PSAP: variants seen among roughly 807,000 people sequenced by gnomAD.
The protein encoded by PSAP is precursor of saposins.
PSAP carries 25 observed loss-of-function variants against 66.0 expected under a neutral mutation model. That is an observed-to-expected ratio of 0.38 (90% CI 0.28 to 0.53). The LOEUF (loss-of-function observed/expected upper bound fraction) is 0.53, where lower values mean the gene tolerates loss of function less well. Ranked by LOEUF, PSAP falls within the 20% of genes least tolerant of loss-of-function variation. The probability of loss-of-function intolerance (pLI) is 0.83; values close to 1 mark genes in which losing one functional copy is unlikely to be tolerated. For missense variants in PSAP, 649 were observed against 668.8 expected (o/e 0.97, Z 0.33); for synonymous variants, 273 against 258.9 (o/e 1.05, Z -0.52).
Position 71,828,156 on chromosome 10 carries a change from T to C in PSAP, c.578A>G (p.Asp193Gly), listed in dbSNP as rs138636858. The change falls in exon 6 of 14, where the codon GAT (aspartate) becomes GGT (glycine). Residue 193 changes from aspartate to glycine, a missense_variant and splice_region_variant. Transcript: ENST00000394936. ...DGPRSKPQPK[D>G]NGDVCQDCIQ... The stretch of plus-strand genomic sequence containing the variant: ...GCAGTCCTGGCAAACGTCCCCATTA[T>C]CCTACAGAAGAGGCAGTTAGGTTTG... The C allele has an allele frequency of 6.5e-4, 1,054 of 1,614,150 alleles. 3 individuals carry two copies. The highest frequency in any genetic ancestry group is 1.2e-3 in the South Asian group (109 of 91,082).
rs758077180 is a variant in PSAP, at chr10:71,825,904, A to G, written c.721-11T>C. On this transcript the variant is annotated splice_polypyrimidine_tract_variant and intron_variant, in intron 6 of 13. Coordinates refer to ENST00000394936, the MANE Select transcript of PSAP (RefSeq NM_002778.4). ...GATATAGTTCTTGCACTGAGGAGAG[A>G]GAAACAGATTGCTAAACAAATCACT... 13 of 1,611,256 alleles carry G rather than the reference A, an allele frequency of 8.1e-6. No individual in the cohort carries two copies. The highest frequency in any genetic ancestry group is 1.0e-5 in the Non-Finnish European group (12 of 1,177,516).
chr10:71,846,999 C>T (rs369277041), intron 1 of PSAP, among the ~76,000 whole-genome samples: 19 of 152,262 alleles, frequency 1.2e-4, no homozygotes, highest in African/African-American at 4.6e-4. Context: ...CTGTTCCCAG[C>T]CAGCAACACC....
chr10:71,841,744 G>A (rs968298339), intron 1 of PSAP, among the ~76,000 whole-genome samples: 2 of 152,100 alleles, frequency 1.3e-5, no homozygotes, highest in East Asian at 3.9e-4. Flanking sequence ...AGTGGCTCAC[G>A]CCTGTAATTC....
At chr10:71,828,184 A>G (rs1414643760) in intron 5 of PSAP, 27 bp from the exon 6 acceptor site, 3 of 1,613,892 alleles carry the variant, frequency 1.9e-6, no homozygotes, top group Non-Finnish European at 2.5e-6. Context: ...TAGGTTTGCA[A>G]CTTAAGAGGA....
At chr10:71,831,073 T>C in intron 4 of PSAP, 53 bp downstream of exon 4, 3 of 1,610,528 alleles carry the variant, frequency 1.9e-6, no homozygotes, top group Non-Finnish European at 2.5e-6. Context: ...GGCCACTGCC[T>C]CTCCTGGGCC....
rs1306126373 is a variant in PSAP, at chr10:71,828,915, A to G, written c.538T>C (p.Tyr180His). The G allele has an allele frequency of 6.2e-7, 1 of 1,614,050 alleles. No homozygotes were observed. The highest frequency in any genetic ancestry group is 2.2e-5 in the East Asian group (1 of 44,852). The change falls in exon 5 of 14, where the codon TAC (tyrosine) becomes CAC (histidine). Residue 180 changes from tyrosine to histidine, a missense_variant. Transcript: ENST00000394936. ...TTGCTGCGGGGGCCGTCCTGAGGGT[A>G]GAGGAGGAGAGGGATGTTGGCCATG... ...PFMANIPLLL[Y>H]PQDGPRSKPQ... is the part of the protein sequence containing the mutation.
chr10:71,846,723 C>T (rs1417065313), intron 1 of PSAP, among the ~76,000 whole-genome samples: 2 of 102,644 alleles, frequency 1.9e-5, no homozygotes, highest in African/African-American at 8.4e-5. Flanking sequence ...CAGAGTAAGA[C>T]CCTGTCTCAA....
intron 8 of PSAP, 98 bp downstream of exon 8, chr10:71,821,778 C>T (rs1208405386): frequency 1.3e-6 from 2 of 1,542,974 alleles, no homozygotes; most frequent in Admixed American, 3.5e-5. Flanking sequence ...AGGCAGGGAA[C>T]CGAAAGAAAC....
intron 1 of PSAP, among the ~76,000 whole-genome samples, chr10:71,834,852 C>A (rs1445444889): frequency 1.3e-5 from 2 of 152,060 alleles, no homozygotes; most frequent in African/African-American, 4.8e-5. Context: ...ACAAAAGAAA[C>A]CATAGGAGAA....
At chr10:71,819,649 G>A (rs201461609) in intron 10 of PSAP, 27 bp from the exon 11 acceptor site, 11 of 1,613,940 alleles carry the variant, frequency 6.8e-6, no homozygotes, top group South Asian at 2.2e-5. Flanking sequence ...CGGGCTCAAC[G>A]CTGGCAGGGC....
At chr10:71,834,596 T>C (rs1182134648) in intron 1 of PSAP, 91 bp from the exon 2 acceptor site, 27 of 1,525,316 alleles carry the variant, frequency 1.8e-5, no homozygotes, top group Non-Finnish European at 2.4e-5. Context: ...GCGACTGTCC[T>C]TGAGCTGGAC....
Position 71,820,249 on chromosome 10 carries a change from G to T in PSAP, c.996C>A (p.Asn332Lys), listed in dbSNP as rs546727182. 2 of 1,612,954 alleles carry T rather than the reference G, an allele frequency of 1.2e-6. No individual in the cohort carries two copies. The highest frequency in any genetic ancestry group is 3.3e-5 in the Admixed American group (2 of 60,030). ...VKEVTKLIDN[N>K]KTEKEILDAF... Reference sequence around the variant, plus strand: ...CAGGAGGACAGCATACCTCAGTCTTGTTGTTGTCAATCAGCTTGGTCACCT... The same window carrying T: ...CAGGAGGACAGCATACCTCAGTCTTTTTGTTGTCAATCAGCTTGGTCACCT... Residue 332 changes from asparagine (N) to lysine (K), a missense_variant, in exon 9 of 14, where the codon AAC becomes AAA. Physicochemically the swap from Asn to Lys is moderately conservative, Grantham distance 94. Transcript: ENST00000394936.
intron 1 of PSAP, among the ~76,000 whole-genome samples, chr10:71,847,804 A>C (rs1842849146): frequency 6.6e-6 from 1 of 152,252 alleles, no homozygotes; most frequent in Admixed American, 6.5e-5. Flanking sequence ...AGATTTATCC[A>C]AAATCCCTGA....
At chr10:71,819,221 T>C in intron 11 of PSAP, 110 bp from the exon 12 acceptor site, 1 of 1,117,824 alleles carries the variant, frequency 8.9e-7, no homozygotes, top group Non-Finnish European at 1.3e-6. Context: ...GCTCCTGGCA[T>C]TCCCAGCCCA....
chr10:71,848,512 T>A (rs1188541321), intron 1 of PSAP, among the ~76,000 whole-genome samples: 2 of 152,158 alleles, frequency 1.3e-5, no homozygotes, highest in African/African-American at 2.4e-5. Flanking sequence ...CATGGTGCCA[T>A]GGCTTTGCTT....
chr10:71,851,033 G>GAAAGCCAGAC (rs1842918505), intron 1 of PSAP, 149 bp downstream of exon 1: 1 of 932,690 alleles, frequency 1.1e-6, no homozygotes, highest in Non-Finnish European at 1.7e-6. Flanking sequence ...GAAAGCCAGA[G>GAAAGCCAGAC]AAAGCCAGCG....
chr10:71,847,357 A>T (rs992254555), intron 1 of PSAP, among the ~76,000 whole-genome samples: 3 of 152,158 alleles, frequency 2.0e-5, no homozygotes, highest in Non-Finnish European at 4.4e-5. Flanking sequence ...TGGTCAACTA[A>T]ATATTGTGGT....
chr10:71,851,171 C>A lies in PSAP; in HGVS notation c.40+11G>T. ...GCACCTCCTCCCCAGGATGAGGGTC[C>A]CAGGGCTTACCCGCGCCCAGGAGGC... is the stretch of plus-strand genomic sequence containing the variant. On this transcript the variant is annotated intron_variant, in intron 1 of 13. Coordinates refer to ENST00000394936, the MANE Select transcript of PSAP (RefSeq NM_002778.4). The A allele has an allele frequency of 6.4e-7, 1 of 1,550,974 alleles. No homozygotes were observed. The highest frequency in any genetic ancestry group is 1.2e-5 in the South Asian group (1 of 84,056).
chr10:71,827,093 A>G (rs746188785), intron 6 of PSAP, among the ~76,000 whole-genome samples: 2 of 152,110 alleles, frequency 1.3e-5, no homozygotes, highest in Non-Finnish European at 2.9e-5. Context: ...ACATTAGCCA[A>G]GCTTTCAAAA....
Sources: allele counts gnomAD v4.1 joint callset (sites outside exome capture counted in the v4.1 genomes callset), GRCh38; gene constraint gnomAD v4.1.1; transcripts MANE v1.5; gene names NCBI Gene and HGNC (gene_info 2026-07-23, HGNC 2026-07-21).